NRG3: variants seen among roughly 807,000 people sequenced by gnomAD.
The protein encoded by NRG3 is pro-neuregulin-3, membrane-bound isoform.
A neutral mutation model predicts 66.9 loss-of-function variants in NRG3; 31 were observed. The ratio of observed to expected loss-of-function variants is 0.46; its 90% confidence interval spans 0.35 to 0.63. The LOEUF is 0.63. NRG3 is among the 20% of genes least tolerant of loss of function. NRG3 has a pLI of 0.00. For missense variants in NRG3, 910 were observed against 878.9 expected, an observed-to-expected ratio of 1.04 and a Z score of -0.45; for synonymous variants, 393 against 359.4, an observed-to-expected ratio of 1.09 and a Z score of -1.06.
chr10:82,541,458 A>G (rs572052083), intron 2 of NRG3, among the ~76,000 whole-genome samples: 76 of 151,972 alleles, frequency 5.0e-4, no homozygotes, highest in African/African-American at 1.7e-3. Context: ...AGGGCTCACA[A>G]CTCTAAGGGG....
chr10:82,159,261 A>G (rs905267298), intron 1 of NRG3, among the ~76,000 whole-genome samples: 4 of 151,890 alleles, frequency 2.6e-5, no homozygotes, highest in Non-Finnish European at 4.4e-5. Flanking sequence ...CACTCAGGAA[A>G]TTAGCCTGGC....
At chr10:82,952,471 C>CTCTGTG (rs1454945180) in intron 5 of NRG3, among the ~76,000 whole-genome samples, 246 of 98,832 alleles carry the variant, frequency 2.5e-3, no homozygotes, top group African/African-American at 5.6e-3. Flanking sequence ...CTCTCTCTCT[C>CTCTGTG]TGTGTGTGTG....
chr10:82,288,544 T>C (rs890735206), intron 1 of NRG3, among the ~76,000 whole-genome samples: 1 of 152,148 alleles, frequency 6.6e-6, no homozygotes, highest in Non-Finnish European at 1.5e-5. Flanking sequence ...ATGTGTTCAC[T>C]CAGTCAACAA....
chr10:82,085,495 T>G (rs2065662964), intron 1 of NRG3, among the ~76,000 whole-genome samples: 1 of 151,976 alleles, frequency 6.6e-6, no homozygotes, highest in Admixed American at 6.6e-5. Flanking sequence ...TGTGAGGGCA[T>G]CACCCCATGG....
At chr10:82,144,120 T>G (rs1466012088) in intron 1 of NRG3, among the ~76,000 whole-genome samples, 1 of 152,140 alleles carries the variant, frequency 6.6e-6, no homozygotes, top group East Asian at 1.9e-4. Context: ...TATTCACTGC[T>G]TTCTCCCTTT....
chr10:82,578,518 T>C (rs1240357657), intron 2 of NRG3, among the ~76,000 whole-genome samples: 1 of 151,462 alleles, frequency 6.6e-6, no homozygotes, highest in Non-Finnish European at 1.5e-5. Flanking sequence ...GATCTATAGT[T>C]TGCCAATCTC....
At chr10:82,121,268 C>T (rs937527170) in intron 1 of NRG3, among the ~76,000 whole-genome samples, 4 of 152,048 alleles carry the variant, frequency 2.6e-5, no homozygotes, top group African/African-American at 7.2e-5. Context: ...TCAATTTCAC[C>T]CACCTCCCAG....
At chr10:82,665,460 C>T (rs904407377) in intron 2 of NRG3, among the ~76,000 whole-genome samples, 1 of 152,152 alleles carries the variant, frequency 6.6e-6, no homozygotes. Context: ...TCATATCCAC[C>T]CACTTTCATG....
Position 82,913,590 on chromosome 10 carries a change from G to A in NRG3, c.1055-37879G>A, listed in dbSNP as rs114875024. Among the ~76,000 whole-genome samples, 1,313 of 152,224 alleles carry A rather than the reference G, an allele frequency of 8.6e-3. 20 individuals carry two copies. The highest frequency in any genetic ancestry group is 0.03 in the African/African-American group (1,243 of 41,550). ...CAGAATTCTAAATTGGTGATGGTGG[G>A]TTTTGTTTTTCCATTAACATTTGAA... is the stretch of plus-strand genomic sequence containing the variant. On this transcript the variant is annotated intron_variant, in intron 4 of 8. Coordinates refer to ENST00000372141, the MANE Select transcript of NRG3 (RefSeq NM_001010848.4).
intron 2 of NRG3, among the ~76,000 whole-genome samples, chr10:82,624,921 T>TATAC (rs2049311170): frequency 6.8e-6 from 1 of 146,028 alleles, no homozygotes; most frequent in East Asian, 2.0e-4. Context: ...ATATATTTTA[T>TATAC]ATATATATAT....
intron 1 of NRG3, among the ~76,000 whole-genome samples, chr10:81,963,931 G>A (rs761128237): frequency 6.6e-6 from 1 of 152,136 alleles, no homozygotes; most frequent in Admixed American, 6.5e-5. Context: ...TGTTTCATCT[G>A]TGTTTTCGTA....
At chr10:82,691,750 C>T (rs981581860) in intron 2 of NRG3, among the ~76,000 whole-genome samples, 6 of 152,188 alleles carry the variant, frequency 3.9e-5, no homozygotes, top group African/African-American at 1.4e-4. Flanking sequence ...GTTTAATTCT[C>T]ACACAAACCT....
At chr10:82,819,005 T>C (rs73307261) in intron 3 of NRG3, among the ~76,000 whole-genome samples, 1,803 of 152,354 alleles carry the variant, frequency 0.012, 36 homozygotes, top group African/African-American at 0.042. Context: ...AAAAAAATTT[T>C]AATGATTTTT....
chr10:82,172,880 A>C (rs2133120577), intron 1 of NRG3, among the ~76,000 whole-genome samples: 1 of 152,222 alleles, frequency 6.6e-6, no homozygotes, highest in East Asian at 1.9e-4. Flanking sequence ...AACCCATCAT[A>C]GTTATTTTAC....
At chr10:82,700,241 C>T (rs565073495) in intron 2 of NRG3, among the ~76,000 whole-genome samples, 87 of 152,104 alleles carry the variant, frequency 5.7e-4, no homozygotes, top group Admixed American at 8.5e-4. Context: ...AATTTCCGCC[C>T]GAGAAAACCA....
At chr10:82,615,760 G>C (rs908628067) in intron 2 of NRG3, among the ~76,000 whole-genome samples, 1 of 152,160 alleles carries the variant, frequency 6.6e-6, no homozygotes, top group Non-Finnish European at 1.5e-5. Flanking sequence ...TAGTAAAAAT[G>C]TGGAGGGATC....
chr10:82,359,854 G>A (rs545534544), intron 2 of NRG3, among the ~76,000 whole-genome samples: 5 of 152,156 alleles, frequency 3.3e-5, no homozygotes, highest in Non-Finnish European at 7.4e-5. Flanking sequence ...CTAAGATGGT[G>A]TAGAGAAATG....
chr10:82,859,404 A>G (rs1374693556), intron 3 of NRG3, among the ~76,000 whole-genome samples: 2 of 152,110 alleles, frequency 1.3e-5, no homozygotes, highest in African/African-American at 2.4e-5. Context: ...TTAAACCCAC[A>G]TTGTGTCGCT....
intron 6 of NRG3, among the ~76,000 whole-genome samples, chr10:82,969,034 G>A (rs769415718): frequency 4.6e-5 from 7 of 152,162 alleles, no homozygotes; most frequent in South Asian, 2.1e-4. Flanking sequence ...GGAAACTGCC[G>A]CCATGATTCA....
Sources: gnomAD v4.1 joint callset for allele counts (sites outside exome capture counted in the v4.1 genomes callset) on GRCh38, gnomAD v4.1.1 for gene constraint, MANE v1.5 for transcripts, NCBI Gene and HGNC (gene_info 2026-07-23, HGNC 2026-07-21) for gene names.